Variants in ZNF652 observed in about 807,000 individuals in gnomAD.
ZNF652 encodes zinc finger protein 652.
Under a neutral mutation model 45.2 loss-of-function variants are expected in ZNF652, and 16 were observed. That is an observed-to-expected ratio of 0.35 (90% CI 0.24 to 0.54). The LOEUF is 0.54. ZNF652 is among the 20% of genes least tolerant of loss of function. The pLI, the probability that ZNF652 is intolerant of heterozygous loss-of-function variation, is 0.91. For synonymous variants in ZNF652, 250 were observed against 260.6 expected, an observed-to-expected ratio of 0.96 and a Z score of 0.39; for missense variants, 614 against 765.6, an observed-to-expected ratio of 0.80 and a Z score of 2.34.
At chr17:49,314,105 T>A (rs986350796) in intron 2 of ZNF652, among the ~76,000 whole-genome samples, 1 of 150,378 alleles carries the variant, frequency 6.6e-6, no homozygotes, top group Non-Finnish European at 1.5e-5. Flanking sequence ...TTCAAACACG[T>A]CCCTCGGGCA....
chr17:49,303,467 T>C (rs904466887), intron 5 of ZNF652, among the ~76,000 whole-genome samples: 3 of 151,830 alleles, frequency 2.0e-5, no homozygotes, highest in Non-Finnish European at 4.4e-5. Context: ...CTCACACTCC[T>C]GACTTCAACT....
At chr17:49,323,740 G>A (rs1486055495) in intron 1 of ZNF652, among the ~76,000 whole-genome samples, 1 of 152,204 alleles carries the variant, frequency 6.6e-6, no homozygotes, top group Non-Finnish European at 1.5e-5. Flanking sequence ...GAGCTCTTGG[G>A]TAACTAGGTG....
intron 5 of ZNF652, among the ~76,000 whole-genome samples, chr17:49,307,493 G>A (rs1342818205): frequency 1.5e-5 from 2 of 135,980 alleles, no homozygotes; most frequent in Non-Finnish European, 3.1e-5. Context: ...TGTAATCCCA[G>A]CACTTTGGGA....
chr17:49,333,352 C>T (rs1427849527), intron 1 of ZNF652, among the ~76,000 whole-genome samples: 2 of 149,998 alleles, frequency 1.3e-5, no homozygotes, highest in Non-Finnish European at 3.0e-5. Context: ...CCACTGCACC[C>T]GGCCAAAATG....
intron 5 of ZNF652, among the ~76,000 whole-genome samples, chr17:49,300,533 A>C (rs1598281369): frequency 6.6e-6 from 1 of 152,320 alleles, no homozygotes; most frequent in South Asian, 2.1e-4. Context: ...ATAGAAAATA[A>C]AATCCTTTAT....
chr17:49,345,839 T>C (rs892236608), intron 1 of ZNF652, among the ~76,000 whole-genome samples: 1 of 89,832 alleles, frequency 1.1e-5, no homozygotes, highest in African/African-American at 4.2e-5. Flanking sequence ...AGACTCCATC[T>C]CAAAAAAAAA....
chr17:49,341,887 A>C (rs963550501), intron 1 of ZNF652, among the ~76,000 whole-genome samples: 7 of 152,044 alleles, frequency 4.6e-5, no homozygotes, highest in African/African-American at 1.7e-4. Flanking sequence ...TTTAGTCTTC[A>C]AAACTTTCTC....
At chr17:49,343,493 T>C (rs1207193672) in intron 1 of ZNF652, among the ~76,000 whole-genome samples, 1 of 151,708 alleles carries the variant, frequency 6.6e-6, no homozygotes, top group Non-Finnish European at 1.5e-5. Flanking sequence ...GACAAATGAG[T>C]AGGTGGTGGA....
Position 49,317,503 on chromosome 17 carries a change from T to C in ZNF652, c.223A>G (p.Thr75Ala), listed in dbSNP as rs781689888. 2.7e-5 allele frequency: 43 copies of C among 1,614,004 alleles called. 1 individual carries two copies. The South Asian group carries it at 4.7e-4, about 18-fold the overall frequency. Residue 75 changes from threonine (T) to alanine (A), a missense_variant, in exon 2 of 6, where the codon ACA becomes GCA. Physicochemically the swap from Thr to Ala is moderately conservative, Grantham distance 58 (BLOSUM62 0). Coordinates refer to ENST00000430262, the MANE Select transcript of ZNF652 (RefSeq NM_001145365.3). ...TKMSKPHLHETEEQPYFRETR... is the reference protein window; with the variant it reads ...TKMSKPHLHEAEEQPYFRETR... ...TCCCTGAAATATGGCTGTTCTTCTG[T>C]TTCATGGAGATGCGGTTTGCTCATC...
At chr17:49,307,023 G>T (rs2069638483) in intron 5 of ZNF652, among the ~76,000 whole-genome samples, 1 of 152,134 alleles carries the variant, frequency 6.6e-6, no homozygotes, top group African/African-American at 2.4e-5. Flanking sequence ...GAAGTGCTGA[G>T]ATTACAGGTG....
At chr17:49,350,393 C>T (rs915707078) in intron 1 of ZNF652, among the ~76,000 whole-genome samples, 1 of 150,622 alleles carries the variant, frequency 6.6e-6, no homozygotes, top group Non-Finnish European at 1.5e-5. Context: ...ACAAAAATTA[C>T]CCAGACGTGG....
Position 49,293,802 on chromosome 17 carries a change from T to G in ZNF652, c.*4611A>C, listed in dbSNP as rs1337551360. Among the ~76,000 whole-genome samples, 1 of 152,128 alleles carries G rather than the reference T, an allele frequency of 6.6e-6. No individual in the cohort carries two copies. The highest frequency in any genetic ancestry group is 2.4e-5 in the African/African-American group (1 of 41,438). ...GAGTTGATTTTTTTAAAACAGTAAT[T>G]AGCTGATACAATTCTTAAATGTAAT... On this transcript the variant is annotated 3_prime_UTR_variant, in exon 6 of 6. Transcript: ENST00000430262.
At position 49,317,139 on chromosome 17, in the gene ZNF652, G is replaced by A. The variant is rs2069818419; in HGVS notation, c.587C>T (p.Ala196Val). ...GGAAGTGGTAGCTGCGGCAACAGAG[G>A]CAGCTCTCCTGGTTCTCCTTTGTGT... ...SVTQRRTRRAASVAAATTSPT... is the reference protein window; with the variant it reads ...SVTQRRTRRAVSVAAATTSPT... The change falls in exon 2 of 6, where the codon GCC becomes GTC. Residue 196 changes from alanine (A) to valine (V), a missense_variant. By Grantham distance (64) the Ala-to-Val change is moderately conservative. Coordinates refer to ENST00000430262, the MANE Select transcript of ZNF652 (RefSeq NM_001145365.3). The A allele has an allele frequency of 4.3e-6, 7 of 1,613,998 alleles. No homozygotes were observed. The highest frequency in any genetic ancestry group is 5.1e-6 in the Non-Finnish European group (6 of 1,180,010).
Position 49,291,863 on chromosome 17 carries a change from C to A in ZNF652, c.*6550G>T, listed in dbSNP as rs2069408656. On this transcript the variant is annotated 3_prime_UTR_variant, in exon 6 of 6. Coordinates refer to ENST00000430262, the MANE Select transcript of ZNF652 (RefSeq NM_001145365.3). ...TGATTTCTGTAACATAAAAATCTAC[C>A]TTTTTCATTTTGTAAACTCACCTTC... Among the ~76,000 whole-genome samples the A allele has an allele frequency of 6.6e-6, 1 of 152,092 alleles. No homozygotes were observed.
At chr17:49,314,795 GA>G (rs1214164009) in intron 2 of ZNF652, among the ~76,000 whole-genome samples, 3 of 152,158 alleles carry the variant, frequency 2.0e-5, no homozygotes, top group African/African-American at 7.2e-5. Flanking sequence ...ACTCTGAGAA[GA>G]GTTAAAAGAT....
chr17:49,342,568 G>T (rs1381138263), intron 1 of ZNF652, among the ~76,000 whole-genome samples: 1 of 105,598 alleles, frequency 9.5e-6, no homozygotes, highest in Non-Finnish European at 1.9e-5. Flanking sequence ...GGGGGGGGGG[G>T]GGGAATCAAT....
chr17:49,346,117 T>A (rs2070202664), intron 1 of ZNF652, among the ~76,000 whole-genome samples: 1 of 152,178 alleles, frequency 6.6e-6, no homozygotes, highest in East Asian at 1.9e-4. Flanking sequence ...TCACAATTAG[T>A]TTATAAATAG....
Position 49,290,354 on chromosome 17 carries a change from T to C in ZNF652, c.*8059A>G, listed in dbSNP as rs1264028579. The C allele has an allele frequency of 2.0e-5, 3 of 152,162 alleles. No individual in the cohort carries two copies. The highest frequency in any genetic ancestry group is 7.2e-5 in the African/African-American group (3 of 41,394). 9.4% of individuals were successfully genotyped at this position (152,162 alleles called of 1,614,324 possible). A position where few individuals can be genotyped will look rare whatever the true frequency, so the allele number is the denominator to read the frequency against. Reference sequence around the variant, plus strand: ...TGGCCAGAGAGCTGATGACCACGGATAGGAGCCCTTAGACAAGTAACTGAC... The same window carrying C: ...TGGCCAGAGAGCTGATGACCACGGACAGGAGCCCTTAGACAAGTAACTGAC... On this transcript the variant is annotated 3_prime_UTR_variant, in exon 6 of 6. Coordinates refer to ENST00000430262, the MANE Select transcript of ZNF652 (RefSeq NM_001145365.3).
At chr17:49,314,854 C>T (rs1414315207) in intron 2 of ZNF652, among the ~76,000 whole-genome samples, 1 of 152,082 alleles carries the variant, frequency 6.6e-6, no homozygotes, top group Admixed American at 6.5e-5. Context: ...CTACTACTAT[C>T]AGCCATTTTG....
Sources: allele counts gnomAD v4.1 joint callset (sites outside exome capture counted in the v4.1 genomes callset), GRCh38; gene constraint gnomAD v4.1.1; transcripts MANE v1.5; gene names NCBI Gene and HGNC (gene_info 2026-07-23, HGNC 2026-07-21).